The following JAKMIP3 variants were observed in gnomAD, a reference collection of about 807,000 sequenced individuals.
The protein encoded by JAKMIP3 is janus kinase and microtubule-interacting protein 3.
In JAKMIP3, 58 loss-of-function variants were observed where a neutral mutation model predicts 118.5. The ratio of observed to expected loss-of-function variants is 0.49; its 90% CI spans 0.40 to 0.61. JAKMIP3 has a LOEUF of 0.61. Ranked by LOEUF, JAKMIP3 falls within the 20% of genes least tolerant of loss-of-function variation. JAKMIP3 has a pLI of 0.00. For synonymous variants in JAKMIP3, 486 were observed against 451.2 expected (o/e 1.08, Z -0.98); for missense variants, 950 against 1,109.0 (o/e 0.86, Z 2.04).
chr10:132,168,165 G>T lies in JAKMIP3; in HGVS notation c.*235G>T, dbSNP rs1489562430. 1.6e-6 allele frequency: 2 copies of T among 1,286,134 alleles called. No homozygotes were observed. Among genetic ancestry groups the T allele is most frequent in the East Asian group, 5.6e-5 (1 of 17,920 alleles). The allele number at this position is 1,286,134 out of a possible 1,614,324, so 79.7% of individuals were successfully genotyped here. ...AACTGGCTCTGCCGACTTCTCGGGG[G>T]CTTCTCCGGGACGGGCCTGGCCTTG... On this transcript the variant is annotated 3_prime_UTR_variant, in exon 23 of 24. Transcript: ENST00000684848.
chr10:132,075,369 A>ATTT (rs35437245), intron 1 of JAKMIP3, among the ~76,000 whole-genome samples: 30 of 128,956 alleles, frequency 2.3e-4, no homozygotes, highest in African/African-American at 4.8e-4. Flanking sequence ...AAATTTTTCC[A>ATTT]TTTTTTTTTT....
chr10:132,036,419 C>G (rs2037496804), upstream of JAKMIP3, among the ~76,000 whole-genome samples: 2 of 152,194 alleles, frequency 1.3e-5, no homozygotes, highest in South Asian at 4.1e-4. Context: ...GTGAGTCCCT[C>G]TAAGCCGGCG....
rs2056383829 is a variant in JAKMIP3, at chr10:132,152,467, A to AT, written c.2008-490dup. On this transcript the variant is annotated intron_variant, in intron 16 of 23. Coordinates refer to ENST00000684848, the MANE Select transcript of JAKMIP3 (RefSeq NM_001323087.2). ...CCCCTCGGTTGGGGAGGAAGCATGAATAAAACATGCATAAAAGAGACAAAA... is the reference window on the plus strand; with the variant it reads ...CCCCTCGGTTGGGGAGGAAGCATGAATTAAAACATGCATAAAAGAGACAAAA... Among the ~76,000 whole-genome samples the AT allele has an allele frequency of 2.0e-5, 3 of 152,214 alleles. No individual in the cohort carries two copies. In the South Asian group the frequency reaches 6.2e-4, roughly 31 times the overall value.
chr10:132,130,811 T>C (rs1488195904), intron 3 of JAKMIP3, among the ~76,000 whole-genome samples: 1 of 152,144 alleles, frequency 6.6e-6, no homozygotes, highest in African/African-American at 2.4e-5. Context: ...GGTGAGATCA[T>C]GTCCGTGGGC....
rs1295067914 is a variant in JAKMIP3, at chr10:132,168,355, T to C, written c.*425T>C. The C allele has an allele frequency of 7.8e-7, 1 of 1,289,544 alleles. No homozygotes were observed. The highest frequency in any genetic ancestry group is 1.0e-6 in the Non-Finnish European group (1 of 988,810). 79.9% of individuals were successfully genotyped at this position (1,289,544 alleles called of 1,614,324 possible). On this transcript the variant is annotated 3_prime_UTR_variant, in exon 23 of 24. Transcript: ENST00000684848. ...TCTCACAGTAGCTGCCACTGGTGTCTGGAGGAAGATTTTCAGAAACAACAG... is the reference window on the plus strand; with the variant it reads ...TCTCACAGTAGCTGCCACTGGTGTCCGGAGGAAGATTTTCAGAAACAACAG...
chr10:132,092,877 T>C (rs2043275440), intron 1 of JAKMIP3, among the ~76,000 whole-genome samples: 1 of 152,216 alleles, frequency 6.6e-6, no homozygotes, highest in Non-Finnish European at 1.5e-5. Context: ...TTCTGCTCTG[T>C]TTTTTCCCCA....
chr10:132,142,611 G>A (rs945305168), intron 11 of JAKMIP3, among the ~76,000 whole-genome samples: 1 of 152,162 alleles, frequency 6.6e-6, no homozygotes, highest in African/African-American at 2.4e-5. Context: ...TGGCTGGCGG[G>A]TGCCCTCTGC....
chr10:132,145,132 T>C lies in JAKMIP3; in HGVS notation c.1628T>C (p.Val543Ala), dbSNP rs746349217. The change falls in exon 12 of 24, where the codon GTG (valine) becomes GCG (alanine). Residue 543 changes from valine (V) to alanine (A), a missense_variant. Transcript: ENST00000684848. ...VKTREQLQAE[V>A]QRAQARIEDL... is the part of the protein sequence containing the mutation. ...ACCCGTGAGCAGCTACAAGCCGAAGTGCAGAGGGCACAGGCGCGGATAGAG... is the reference window on the plus strand; with the variant it reads ...ACCCGTGAGCAGCTACAAGCCGAAGCGCAGAGGGCACAGGCGCGGATAGAG... The C allele has an allele frequency of 1.4e-5, 22 of 1,612,406 alleles. No homozygotes were observed. In the East Asian group the frequency reaches 3.6e-4, roughly 26 times the overall value.
chr10:132,062,295 C>T (rs1202812198), upstream of JAKMIP3, among the ~76,000 whole-genome samples: 2 of 152,226 alleles, frequency 1.3e-5, no homozygotes, highest in Non-Finnish European at 2.9e-5. Flanking sequence ...CTTTGGGTAG[C>T]AGCTTGCAGT....
rs565918119 is a variant in JAKMIP3 at position 132,067,629 on chromosome 10, G to A, written c.-138+1568G>A. On this transcript the variant is annotated intron_variant, in intron 1 of 23. Transcript: ENST00000684848. ...ACTGTGGGCTTCCGTGTGTACTGTG[G>A]GCTTCCGTGTGGACTCTGGGCTTCC... 3.2e-4 allele frequency among the ~76,000 whole-genome samples: 47 copies of A among 149,204 alleles called. No individual in the cohort carries two copies. The East Asian group carries it at 9.5e-3, about 30-fold the overall frequency.
chr10:132,142,588 A>G (rs1398619586), intron 11 of JAKMIP3, among the ~76,000 whole-genome samples: 1 of 152,028 alleles, frequency 6.6e-6, no homozygotes, highest in Non-Finnish European at 1.5e-5. Context: ...GTCCCCCAGG[A>G]AAGGCCTCAG....
chr10:132,147,410 C>T lies in JAKMIP3; in HGVS notation c.1750-542C>T, dbSNP rs140957300. ...GTGGGGGACTCCTGCATCCGGTTTA[C>T]TCGTAACTGGTTCCGTTTAAACAGC... On this transcript the variant is annotated intron_variant, in intron 13 of 23. Transcript: ENST00000684848. 7.2e-3 allele frequency among the ~76,000 whole-genome samples: 1,090 copies of T among 152,322 alleles called. 53 individuals are homozygous for T. In the South Asian group the frequency reaches 0.12, roughly 17 times the overall value.
At chr10:132,126,397 G>A (rs997881240) in intron 3 of JAKMIP3, among the ~76,000 whole-genome samples, 5 of 151,854 alleles carry the variant, frequency 3.3e-5, no homozygotes, top group East Asian at 1.9e-4. Flanking sequence ...TGACCTCCCA[G>A]GCTCAAGTGA....
chr10:132,152,886 T>C lies in JAKMIP3; in HGVS notation c.2008-72T>C, dbSNP rs567047805. The C allele has an allele frequency of 2.3e-4, 288 of 1,239,114 alleles. 2 individuals are homozygous for C. In the East Asian group the frequency reaches 2.6e-3, roughly 11 times the overall value. 76.8% of individuals were successfully genotyped at this position (1,239,114 alleles called of 1,614,324 possible). The stretch of plus-strand genomic sequence containing the variant: ...TCAGCCTCCCCAGTCAGCTTCCCCA[T>C]GCATCCATCACTCACCCTCACCCCC... On this transcript the variant is annotated intron_variant, in intron 16 of 23. Coordinates refer to ENST00000684848, the MANE Select transcript of JAKMIP3 (RefSeq NM_001323087.2).
intron 23 of JAKMIP3, among the ~76,000 whole-genome samples, chr10:132,180,098 C>T (rs1422508768): frequency 1.3e-5 from 2 of 152,206 alleles, no homozygotes; most frequent in African/African-American, 4.8e-5. Context: ...CTGGTGTTTG[C>T]CATGAATCAC....
chr10:132,092,145 C>CT (rs1219332916), intron 1 of JAKMIP3, among the ~76,000 whole-genome samples: 17 of 152,196 alleles, frequency 1.1e-4, no homozygotes, highest in African/African-American at 4.1e-4. Context: ...CACTGTTAGT[C>CT]TGATGGGCTT....
chr10:132,153,314 C>T (rs1412569720), intron 17 of JAKMIP3, among the ~76,000 whole-genome samples: 2 of 152,378 alleles, frequency 1.3e-5, no homozygotes, highest in African/African-American at 4.8e-5. Context: ...CTCTGTTCAA[C>T]TTACCCTGAC....
intron 23 of JAKMIP3, among the ~76,000 whole-genome samples, chr10:132,180,650 T>TGTGC (rs1565019859): frequency 2.8e-4 from 8 of 28,232 alleles, no homozygotes; most frequent in East Asian, 1.9e-3. Context: ...TGTGTGCGTG[T>TGTGC]GCGTGTGCGT....
At position 132,154,622 on chromosome 10, in the gene JAKMIP3, G is replaced by T. The variant is rs151326446; in HGVS notation, c.2220+632G>T. On this transcript the variant is annotated intron_variant, in intron 19 of 23. Coordinates refer to ENST00000684848, the MANE Select transcript of JAKMIP3 (RefSeq NM_001323087.2). ...GAAAGACAAGTGTCACCACCAAGAGGTTCACCTCGGGACCCAGCCCAGCAG... is the reference window on the plus strand; with the variant it reads ...GAAAGACAAGTGTCACCACCAAGAGTTTCACCTCGGGACCCAGCCCAGCAG... Among the ~76,000 whole-genome samples the T allele has an allele frequency of 1.2e-4, 19 of 152,308 alleles. No homozygotes were observed. In the East Asian group the frequency reaches 3.1e-3, roughly 25 times the overall value.
Sources: allele counts gnomAD v4.1 joint callset (sites outside exome capture counted in the v4.1 genomes callset), GRCh38; gene constraint gnomAD v4.1.1; transcripts MANE v1.5; gene names NCBI Gene and HGNC (gene_info 2026-07-23, HGNC 2026-07-21).